The following MAGI2 variants were observed in gnomAD, a reference collection of about 807,000 sequenced individuals.
MAGI2 encodes the protein membrane associated guanylate kinase, WW and PDZ domain containing 2.
MAGI2 carries 35 observed loss-of-function variants against 133.3 expected under a neutral mutation model. The ratio of observed to expected loss-of-function variants is 0.26; its 90% CI spans 0.20 to 0.35. The LOEUF is 0.35. MAGI2 is among the 10% of genes least tolerant of loss of function. The pLI, the probability that MAGI2 is intolerant of heterozygous loss-of-function variation, is 1.00. For synonymous variants in MAGI2, 729 were observed against 710.6 expected (o/e 1.03, Z -0.41); for missense variants, 1,636 against 1,863.4 (o/e 0.88, Z 2.25).
chr7:78,642,905 T>A (rs559005928), intron 2 of MAGI2, among the ~76,000 whole-genome samples: 1 of 152,266 alleles, frequency 6.6e-6, no homozygotes, highest in South Asian at 2.1e-4. Flanking sequence ...CACAAAATGT[T>A]CTAAAAATTT....
intron 1 of MAGI2, among the ~76,000 whole-genome samples, chr7:79,449,954 A>C (rs1347367522): frequency 1.3e-5 from 2 of 148,978 alleles, no homozygotes; most frequent in African/African-American, 4.9e-5. Flanking sequence ...AAATTATGAC[A>C]GATGAAAATT....
At chr7:78,855,038 G>T (rs796070533) in intron 2 of MAGI2, among the ~76,000 whole-genome samples, 57 of 149,152 alleles carry the variant, frequency 3.8e-4, no homozygotes, top group African/African-American at 1.4e-3. Flanking sequence ...TTTTTTTTTT[G>T]TAGAGATGCG....
chr7:78,989,337 A>T (rs994333327), intron 2 of MAGI2, among the ~76,000 whole-genome samples: 3 of 152,046 alleles, frequency 2.0e-5, no homozygotes, highest in Non-Finnish European at 4.4e-5. Context: ...TGTCTTATAC[A>T]CCAGTAGGAA....
intron 6 of MAGI2, among the ~76,000 whole-genome samples, chr7:78,400,718 G>A (rs560499001): frequency 1.3e-5 from 2 of 152,252 alleles, no homozygotes; most frequent in South Asian, 4.1e-4. Context: ...ATATTTTTAG[G>A]TTGGAAGTGA....
intron 2 of MAGI2, among the ~76,000 whole-genome samples, chr7:78,970,832 T>C (rs749428445): frequency 1.3e-5 from 2 of 152,100 alleles, no homozygotes; most frequent in African/African-American, 2.4e-5. Context: ...GTGCTAATGC[T>C]ACATCAGTGC....
At chr7:78,725,461 A>G (rs749625477) in intron 2 of MAGI2, among the ~76,000 whole-genome samples, 3 of 152,246 alleles carry the variant, frequency 2.0e-5, no homozygotes, top group Non-Finnish European at 2.9e-5. Flanking sequence ...CTGTTTACCA[A>G]GTATTAACTG....
intron 13 of MAGI2, among the ~76,000 whole-genome samples, chr7:78,183,549 C>A (rs116470144): frequency 1.3e-5 from 2 of 152,020 alleles, no homozygotes; most frequent in Non-Finnish European, 2.9e-5. Context: ...CAGGCATGCA[C>A]CACCGCAATC....
At chr7:79,099,474 T>A (rs1817782534) in intron 1 of MAGI2, among the ~76,000 whole-genome samples, 1 of 152,208 alleles carries the variant, frequency 6.6e-6, no homozygotes. Flanking sequence ...TTTAATTTTT[T>A]ATTTTTAACT....
At chr7:78,675,283 TTGTGTGTTTGAA>T (rs1814892823) in intron 2 of MAGI2, among the ~76,000 whole-genome samples, 1 of 150,928 alleles carries the variant, frequency 6.6e-6, no homozygotes, top group South Asian at 2.1e-4. Flanking sequence ...TGTTGATGTA[TTGTGTGTTTGAA>T]TGTGTGATTC....
At position 78,342,227 on chromosome 7, in the gene MAGI2, G is replaced by A. The variant is rs539142240; in HGVS notation, c.1408+1551C>T. The stretch of plus-strand genomic sequence containing the variant: ...AAAGGCTCATCATCACTGGCCATCA[G>A]AGAAATGCAAATCAAAACCACAATG... On this transcript the variant is annotated intron_variant, in intron 9 of 21. Transcript: ENST00000354212. Among the ~76,000 whole-genome samples the A allele has an allele frequency of 9.1e-4, 139 of 152,308 alleles. 1 individual carries two copies. The highest frequency in any genetic ancestry group is 3.3e-3 in the African/African-American group (139 of 41,578).
intron 1 of MAGI2, among the ~76,000 whole-genome samples, chr7:79,375,428 T>C (rs973206580): frequency 6.6e-6 from 1 of 152,012 alleles, no homozygotes; most frequent in Non-Finnish European, 1.5e-5. Context: ...CTACTGTGCA[T>C]ATAGTTAGAA....
At chr7:78,362,905 G>C (rs548961539) in intron 7 of MAGI2, among the ~76,000 whole-genome samples, 1 of 152,258 alleles carries the variant, frequency 6.6e-6, no homozygotes, top group East Asian at 1.9e-4. Context: ...GACCTTATCA[G>C]TCATATTCCC....
chr7:79,055,373 T>C (rs1813060516), intron 1 of MAGI2, among the ~76,000 whole-genome samples: 1 of 152,174 alleles, frequency 6.6e-6, no homozygotes, highest in South Asian at 2.1e-4. Context: ...AGTTGTTTCA[T>C]GAATGCATAA....
At position 78,789,155 on chromosome 7, in the gene MAGI2, G is replaced by A. The variant is rs532420018; in HGVS notation, c.419-161916C>T. Reference sequence around the variant, plus strand: ...ATTCATTGCATTGTAAGCTACTGAAGGACAAAAATCTCCTCTTTGTTCCTG... The same window carrying A: ...ATTCATTGCATTGTAAGCTACTGAAAGACAAAAATCTCCTCTTTGTTCCTG... On this transcript the variant is annotated intron_variant, in intron 2 of 21. Coordinates refer to ENST00000354212, the MANE Select transcript of MAGI2 (RefSeq NM_012301.4). 3.9e-5 allele frequency among the ~76,000 whole-genome samples: 6 copies of A among 152,090 alleles called. No individual in the cohort carries two copies. The East Asian group carries it at 1.2e-3, about 29-fold the overall frequency.
At chr7:79,422,750 T>G (rs930431349) in intron 1 of MAGI2, among the ~76,000 whole-genome samples, 1 of 152,020 alleles carries the variant, frequency 6.6e-6, no homozygotes, top group Non-Finnish European at 1.5e-5. Flanking sequence ...AGGTTCCCAG[T>G]GTGCAAAAAC....
intron 1 of MAGI2, among the ~76,000 whole-genome samples, chr7:79,190,915 C>T (rs1585161698): frequency 6.6e-6 from 1 of 151,714 alleles, no homozygotes; most frequent in East Asian, 1.9e-4. Flanking sequence ...TAAATCAATG[C>T]CATTAAAAAT....
At chr7:79,004,948 G>A (rs1367725350) in intron 2 of MAGI2, among the ~76,000 whole-genome samples, 1 of 152,054 alleles carries the variant, frequency 6.6e-6, no homozygotes. Context: ...CGGGCATGGT[G>A]GCACATGCCT....
intron 1 of MAGI2, among the ~76,000 whole-genome samples, chr7:79,312,142 T>A (rs76676782): frequency 0.027 from 4,139 of 152,250 alleles, 79 homozygotes; most frequent in Middle Eastern, 0.037. Flanking sequence ...AATGGAAATT[T>A]TTGTCAAGTA....
intron 1 of MAGI2, among the ~76,000 whole-genome samples, chr7:79,212,092 T>G (rs79826235): frequency 6.6e-6 from 1 of 152,104 alleles, no homozygotes; most frequent in Non-Finnish European, 1.5e-5. Flanking sequence ...AAACCACATA[T>G]GTATCCATAT....
Sources: allele counts gnomAD v4.1 joint callset (sites outside exome capture counted in the v4.1 genomes callset), GRCh38; gene constraint gnomAD v4.1.1; transcripts MANE v1.5; gene names NCBI Gene and HGNC (gene_info 2026-07-23, HGNC 2026-07-21).